Variants in VPS8 observed in about 807,000 individuals in gnomAD.
VPS8 encodes the protein VPS8 subunit of CORVET complex.
Under a neutral mutation model 216.4 loss-of-function variants are expected in VPS8, and 129 were observed. The observed-to-expected ratio is 0.60, with a 90% CI of 0.52 to 0.69. The LOEUF (loss-of-function observed/expected upper bound fraction) is 0.69, where lower values mean the gene tolerates loss of function less well. Ranked by LOEUF, VPS8 falls within the 30% of genes least tolerant of loss-of-function variation. The pLI is 0.00. For synonymous variants in VPS8, 571 were observed against 565.4 expected, an observed-to-expected ratio of 1.01 and a Z score of -0.14; for missense variants, 1,531 against 1,683.5, an observed-to-expected ratio of 0.91 and a Z score of 1.59.
At chr3:185,021,131 C>T (rs1307122698) in intron 45 of VPS8, among the ~76,000 whole-genome samples, 2 of 152,164 alleles carry the variant, frequency 1.3e-5, no homozygotes, top group Non-Finnish European at 2.9e-5. Context: ...TAAACTTCAG[C>T]TCAGATTGCT....
chr3:184,901,064 T>C, intron 25 of VPS8, 92 bp downstream of exon 25: 1 of 1,080,710 alleles, frequency 9.3e-7, no homozygotes, highest in Non-Finnish European at 1.4e-6. Flanking sequence ...GTGTGCAGTG[T>C]GAATGTTGGT....
At chr3:184,926,822 AC>A (rs1739742008) in intron 31 of VPS8, among the ~76,000 whole-genome samples, 172 bp downstream of exon 31, 1 of 152,252 alleles carries the variant, frequency 6.6e-6, no homozygotes. Context: ...TGTTAGAGGT[AC>A]ATGTGTAAGA....
intron 42 of VPS8, among the ~76,000 whole-genome samples, chr3:184,991,226 AGT>A (rs947301111): frequency 3.9e-5 from 6 of 152,208 alleles, no homozygotes; most frequent in East Asian, 1.9e-4. Flanking sequence ...CATCTTTTCT[AGT>A]GTGTGTCTTG....
At chr3:184,856,870 A>C (rs1213513635) in intron 14 of VPS8, among the ~76,000 whole-genome samples, 1 of 151,946 alleles carries the variant, frequency 6.6e-6, no homozygotes, top group East Asian at 1.9e-4. Flanking sequence ...TTTTGATAAC[A>C]TTCAGCACTT....
At chr3:185,030,598 G>A (rs907332573) in intron 46 of VPS8, among the ~76,000 whole-genome samples, 13 of 152,164 alleles carry the variant, frequency 8.5e-5, no homozygotes, top group African/African-American at 2.9e-4. Context: ...AGCCTGTTAG[G>A]TGCCAGGGTT....
chr3:184,865,351 G>A (rs1727142460), intron 16 of VPS8, among the ~76,000 whole-genome samples: 1 of 152,104 alleles, frequency 6.6e-6, no homozygotes, highest in African/African-American at 2.4e-5. Flanking sequence ...TTAATGATAA[G>A]TAGAAAAATT....
chr3:184,985,593 G>A (rs904137939), intron 42 of VPS8, among the ~76,000 whole-genome samples: 2 of 152,120 alleles, frequency 1.3e-5, no homozygotes, highest in Non-Finnish European at 2.9e-5. Context: ...CTTAATCTGT[G>A]TAAGAGCAGA....
At chr3:184,856,422 G>T (rs1449963718) in intron 14 of VPS8, among the ~76,000 whole-genome samples, 2 of 152,222 alleles carry the variant, frequency 1.3e-5, no homozygotes, top group Non-Finnish European at 2.9e-5. Flanking sequence ...GGGTAGGTAT[G>T]CATACTGGGG....
At chr3:184,904,378 T>A (rs1178753160) in intron 25 of VPS8, among the ~76,000 whole-genome samples, 1 of 152,216 alleles carries the variant, frequency 6.6e-6, no homozygotes, top group African/African-American at 2.4e-5. Flanking sequence ...TGAAGTTTTC[T>A]TTACCCAGTT....
chr3:184,957,129 A>C (rs1745741065), intron 36 of VPS8, among the ~76,000 whole-genome samples: 1 of 152,346 alleles, frequency 6.6e-6, no homozygotes, highest in Non-Finnish European at 1.5e-5. Context: ...AAGAGTTTCA[A>C]CTGAATGTTA....
intron 8 of VPS8, among the ~76,000 whole-genome samples, chr3:184,848,120 C>T (rs555647529): frequency 1.3e-5 from 2 of 152,192 alleles, no homozygotes; most frequent in Admixed American, 6.5e-5. Context: ...CTGTGTTGGC[C>T]AGGCTGGTCT....
At chr3:184,834,274 G>A (rs866170128) in intron 4 of VPS8, among the ~76,000 whole-genome samples, 41 of 152,324 alleles carry the variant, frequency 2.7e-4, no homozygotes, top group Middle Eastern at 3.4e-3. Flanking sequence ...TGAATCGTGA[G>A]AAAGGAATGG....
At chr3:184,864,959 TAAGTA>T (rs1727062285) in intron 16 of VPS8, among the ~76,000 whole-genome samples, 1 of 152,198 alleles carries the variant, frequency 6.6e-6, no homozygotes, top group Admixed American at 6.6e-5. Context: ...TTAAAAAAGT[TAAGTA>T]GAGACATGGA....
At position 185,037,378 on chromosome 3, in the gene VPS8, T is replaced by C. The variant is rs544875342; in HGVS notation, c.4057-11101T>C. Among the ~76,000 whole-genome samples, 4 of 152,314 alleles carry C rather than the reference T, an allele frequency of 2.6e-5. No individual in the cohort carries two copies. The South Asian group carries it at 8.3e-4, about 32-fold the overall frequency. On this transcript the variant is annotated intron_variant, in intron 46 of 47. Transcript: ENST00000625842. ...TCTTGCTGTTTTCAAGTTTTTCACA[T>C]TGTTACTGACTTTTGGCATTACATT... is the stretch of plus-strand genomic sequence containing the variant.
At chr3:185,020,389 AT>A (rs1462335578) in intron 45 of VPS8, among the ~76,000 whole-genome samples, 11 of 148,722 alleles carry the variant, frequency 7.4e-5, no homozygotes, top group Non-Finnish European at 1.5e-4. Flanking sequence ...TGTGCTTTTT[AT>A]TTGCTTTGTT....
intron 37 of VPS8, among the ~76,000 whole-genome samples, chr3:184,961,797 C>T (rs1233839023): frequency 6.7e-6 from 1 of 148,966 alleles, no homozygotes; most frequent in Non-Finnish European, 1.5e-5. Flanking sequence ...GACAGAGTCT[C>T]TCTCTGTCAC....
At chr3:184,966,249 C>T (rs1457828153) in intron 38 of VPS8, among the ~76,000 whole-genome samples, 1 of 152,136 alleles carries the variant, frequency 6.6e-6, no homozygotes, top group Non-Finnish European at 1.5e-5. Flanking sequence ...AGACGTCACT[C>T]ATTACCACAG....
chr3:184,902,379 G>A (rs1428932894), intron 25 of VPS8, among the ~76,000 whole-genome samples: 1 of 151,858 alleles, frequency 6.6e-6, no homozygotes, highest in East Asian at 1.9e-4. Flanking sequence ...AGGAGGCTGA[G>A]GCAGAAGAAT....
intron 36 of VPS8, among the ~76,000 whole-genome samples, chr3:184,955,369 A>G (rs1745400285): frequency 1.3e-5 from 2 of 152,156 alleles, no homozygotes; most frequent in Non-Finnish European, 2.9e-5. Flanking sequence ...CATAGAAGAA[A>G]ACGCTGACAT....
Sources: allele counts gnomAD v4.1 joint callset (sites outside exome capture counted in the v4.1 genomes callset), GRCh38; gene constraint gnomAD v4.1.1; transcripts MANE v1.5; gene names NCBI Gene and HGNC (gene_info 2026-07-23, HGNC 2026-07-21).